The following ME3 variants were observed in gnomAD, a reference collection of about 807,000 sequenced individuals.
ME3 encodes the protein NADP-dependent malic enzyme, mitochondrial.
In ME3, 48 loss-of-function variants were observed where a neutral mutation model predicts 68.9. That is an observed-to-expected ratio of 0.70 (90% CI 0.55 to 0.89). The LOEUF is 0.89. Among genes scored for constraint, ME3 ranks in the 40% least tolerant of loss-of-function variants. The probability of loss-of-function intolerance (pLI) is 0.00; values close to 1 mark genes in which losing one functional copy is unlikely to be tolerated. For synonymous variants in ME3, 320 were observed against 318.8 expected, an observed-to-expected ratio of 1.00 and a Z score of -0.04; for missense variants, 675 against 797.4, an observed-to-expected ratio of 0.85 and a Z score of 1.85.
intron 10 of ME3, among the ~76,000 whole-genome samples, chr11:86,448,809 T>TA (rs1362629304): frequency 2.0e-5 from 3 of 152,236 alleles, no homozygotes; most frequent in African/African-American, 7.2e-5. Flanking sequence ...CAGGCTGGCA[T>TA]AAGTGCTGGT....
intron 2 of ME3, among the ~76,000 whole-genome samples, chr11:86,604,324 C>CT (rs1188059074): frequency 6.6e-6 from 1 of 151,970 alleles, no homozygotes; most frequent in East Asian, 1.9e-4. Context: ...ATGAACCAGT[C>CT]TTTCAGGTTA....
chr11:86,604,118 A>T (rs935556303), intron 2 of ME3, among the ~76,000 whole-genome samples: 1 of 152,076 alleles, frequency 6.6e-6, no homozygotes, highest in African/African-American at 2.4e-5. Flanking sequence ...AGTTAAAAAA[A>T]AAAAGTTGTC....
At chr11:86,603,954 G>T (rs1301387256) in intron 2 of ME3, among the ~76,000 whole-genome samples, 1 of 101,118 alleles carries the variant, frequency 9.9e-6, no homozygotes, top group Non-Finnish European at 1.9e-5. Flanking sequence ...GTGGGGTGGG[G>T]GGAGGGGGGA....
intron 2 of ME3, among the ~76,000 whole-genome samples, chr11:86,591,541 A>G (rs1401836175): frequency 2.0e-5 from 3 of 152,226 alleles, no homozygotes; most frequent in African/African-American, 7.2e-5. Context: ...GAGAGGTTTC[A>G]GGAGAAACCA....
chr11:86,496,329 C>T (rs2139003975), intron 6 of ME3, among the ~76,000 whole-genome samples: 1 of 152,102 alleles, frequency 6.6e-6, no homozygotes, highest in East Asian at 1.9e-4. Context: ...TTGCTTGAAC[C>T]AGGGAAGCAG....
intron 2 of ME3, among the ~76,000 whole-genome samples, chr11:86,589,284 T>C (rs1369943194): frequency 1.3e-5 from 2 of 152,164 alleles, no homozygotes; most frequent in Non-Finnish European, 2.9e-5. Flanking sequence ...AGGTACTATG[T>C]TTCATTTATT....
intron 10 of ME3, among the ~76,000 whole-genome samples, chr11:86,448,596 C>T (rs1040537687): frequency 5.9e-5 from 9 of 152,092 alleles, no homozygotes; most frequent in Non-Finnish European, 7.4e-5. Context: ...ACCCTTTGGC[C>T]CAAGGCATCC....
chr11:86,599,801 A>T (rs1198875000), intron 2 of ME3, among the ~76,000 whole-genome samples: 1 of 152,196 alleles, frequency 6.6e-6, no homozygotes, highest in Non-Finnish European at 1.5e-5. Flanking sequence ...AATATTCAAC[A>T]TTCTTAAAGA....
chr11:86,537,084 A>G (rs1594350352), intron 4 of ME3, among the ~76,000 whole-genome samples: 1 of 149,344 alleles, frequency 6.7e-6, no homozygotes, highest in South Asian at 2.2e-4. Flanking sequence ...GGAATTGAAC[A>G]ATGAGATCAC....
intron 4 of ME3, among the ~76,000 whole-genome samples, chr11:86,522,137 C>T (rs1484038020): frequency 6.6e-6 from 1 of 152,112 alleles, no homozygotes; most frequent in Non-Finnish European, 1.5e-5. Flanking sequence ...GTAGTCCCAG[C>T]TACTCAGGAG....
At chr11:86,460,598 C>T (rs1594047135) in intron 8 of ME3, among the ~76,000 whole-genome samples, 1 of 152,192 alleles carries the variant, frequency 6.6e-6, no homozygotes, top group Non-Finnish European at 1.5e-5. Flanking sequence ...GTGTGGTTCC[C>T]AAGAAGATTC....
intron 8 of ME3, 112 bp downstream of exon 8, chr11:86,464,979 G>T: frequency 1.3e-6 from 1 of 791,842 alleles, no homozygotes; most frequent in Non-Finnish European, 2.2e-6. Context: ...AACAGCTGCT[G>T]GCAGCAAACC....
intron 2 of ME3, among the ~76,000 whole-genome samples, chr11:86,600,384 T>G (rs563156066): frequency 6.6e-6 from 1 of 152,288 alleles, no homozygotes; most frequent in East Asian, 1.9e-4. Flanking sequence ...AAGGGATCAA[T>G]TCAACAAGAA....
chr11:86,628,485 C>T (rs946369643), intron 2 of ME3, among the ~76,000 whole-genome samples: 5 of 152,116 alleles, frequency 3.3e-5, no homozygotes, highest in Non-Finnish European at 7.4e-5. Context: ...TAATCTAGAC[C>T]GATTTGTTCA....
intron 6 of ME3, among the ~76,000 whole-genome samples, chr11:86,489,699 G>A (rs1034458050): frequency 3.9e-5 from 6 of 152,036 alleles, no homozygotes; most frequent in Non-Finnish European, 8.8e-5. Flanking sequence ...CTGAGCTGGG[G>A]AGACTCTCCC....
At chr11:86,534,676 A>AAAT (rs773693222) in intron 4 of ME3, among the ~76,000 whole-genome samples, 241 of 151,778 alleles carry the variant, frequency 1.6e-3, no homozygotes, top group Middle Eastern at 3.4e-3. Context: ...CTATATCTCA[A>AAAT]AATAATAATA....
intron 5 of ME3, among the ~76,000 whole-genome samples, chr11:86,501,099 G>A (rs1353250076): frequency 6.6e-6 from 1 of 151,760 alleles, no homozygotes; most frequent in African/African-American, 2.4e-5. Flanking sequence ...TTGAATATAG[G>A]ATCCTTGATG....
At chr11:86,593,651 A>G (rs1160654719) in intron 2 of ME3, among the ~76,000 whole-genome samples, 1 of 146,512 alleles carries the variant, frequency 6.8e-6, no homozygotes, top group Non-Finnish European at 1.5e-5. Context: ...TTCATCACCC[A>G]GAGATAGCCA....
At chr11:86,559,631 C>T in intron 3 of ME3, 59 bp downstream of exon 3, 1 of 1,537,210 alleles carries the variant, frequency 6.5e-7, no homozygotes, top group Non-Finnish European at 8.8e-7. Flanking sequence ...CTGTGAAGCA[C>T]AGGAAACAGA....
Sources: allele counts gnomAD v4.1 joint callset (sites outside exome capture counted in the v4.1 genomes callset), GRCh38; gene constraint gnomAD v4.1.1; transcripts MANE v1.5; gene names NCBI Gene and HGNC (gene_info 2026-07-23, HGNC 2026-07-21).